Variants in ELAVL2 observed in about 807,000 individuals in gnomAD.
The protein encoded by ELAVL2 is ELAV like RNA binding protein 2, also known as ELAV-like protein 2.
A neutral mutation model predicts 34.6 loss-of-function variants in ELAVL2; 4 were observed. The ratio of observed to expected loss-of-function variants is 0.12; its 90% confidence interval spans 0.06 to 0.26. The LOEUF (loss-of-function observed/expected upper bound fraction) is 0.26. Ranked by LOEUF, ELAVL2 falls within the 10% of genes least tolerant of loss-of-function variation. ELAVL2 has a pLI of 1.00. For missense variants in ELAVL2, 432 were observed against 442.8 expected (o/e 0.98, Z 0.22); for synonymous variants, 193 against 154.8 (o/e 1.25, Z -1.83).
chr9:23,707,034 C>T (rs867433896), intron 3 of ELAVL2, among the ~76,000 whole-genome samples: 2 of 152,158 alleles, frequency 1.3e-5, no homozygotes, highest in African/African-American at 4.8e-5. Flanking sequence ...TTAGCACTGT[C>T]CTGTTCTACA....
Position 23,826,192 on chromosome 9 carries a change from A to C in ELAVL2, c.-402T>G, listed in dbSNP as rs1410312847. 1 of 152,256 alleles carries C rather than the reference A, an allele frequency of 6.6e-6. No individual in the cohort carries two copies. Among genetic ancestry groups the C allele is most frequent in the East Asian group, 1.9e-4 (1 of 5,188 alleles). 9.4% of individuals were successfully genotyped at this position (152,256 alleles called of 1,614,324 possible). A position where few individuals can be genotyped will look rare whatever the true frequency, so the allele number is the denominator to read the frequency against. On this transcript the variant is annotated 5_prime_UTR_variant, in exon 1 of 7. Transcript: ENST00000397312. The stretch of plus-strand genomic sequence containing the variant: ...CTTTTTAGTAGGTCGCTACAGGAGT[A>C]AGCTGCTGCATCTCTAACTAAGAAC...
chr9:23,799,776 C>T (rs1238699089), intron 1 of ELAVL2, among the ~76,000 whole-genome samples: 1 of 152,212 alleles, frequency 6.6e-6, no homozygotes, highest in African/African-American at 2.4e-5. Flanking sequence ...TAAGAGACCA[C>T]AGTTGGGCAA....
At chr9:23,816,046 G>C (rs1007471343) in intron 1 of ELAVL2, among the ~76,000 whole-genome samples, 4 of 152,034 alleles carry the variant, frequency 2.6e-5, no homozygotes, top group Non-Finnish European at 5.9e-5. Flanking sequence ...TTCCCAAATG[G>C]AACCTCATTT....
chr9:23,817,959 C>G (rs1049875954), intron 1 of ELAVL2, among the ~76,000 whole-genome samples: 3 of 152,204 alleles, frequency 2.0e-5, no homozygotes, highest in East Asian at 3.8e-4. Flanking sequence ...GGCAAATTTA[C>G]GTTATGTGAA....
intron 1 of ELAVL2, among the ~76,000 whole-genome samples, chr9:23,776,998 G>C (rs2058312227): frequency 6.6e-6 from 1 of 152,168 alleles, no homozygotes; most frequent in Non-Finnish European, 1.5e-5. Context: ...ATTGCTCAGA[G>C]AGTTTTCCAG....
chr9:23,701,738 AC>A, intron 4 of ELAVL2, 134 bp from the exon 5 acceptor site: 1 of 957,688 alleles, frequency 1.0e-6, no homozygotes, highest in Non-Finnish European at 1.6e-6. Flanking sequence ...ACAAAATCAC[AC>A]CAGGAGGAAA....
intron 2 of ELAVL2, among the ~76,000 whole-genome samples, chr9:23,754,597 T>C (rs1238964949): frequency 2.6e-5 from 4 of 152,102 alleles, no homozygotes; most frequent in Non-Finnish European, 5.9e-5. Context: ...TACCTGGGAC[T>C]ACAGGCGTGC....
intron 1 of ELAVL2, among the ~76,000 whole-genome samples, chr9:23,771,287 G>A (rs1735453179): frequency 6.6e-6 from 1 of 152,084 alleles, no homozygotes; most frequent in Non-Finnish European, 1.5e-5. Flanking sequence ...CAAAAAACTG[G>A]TTTAGATACT....
intron 3 of ELAVL2, among the ~76,000 whole-genome samples, chr9:23,708,057 C>T (rs78511099): frequency 1.1e-5 from 1 of 94,364 alleles, no homozygotes; most frequent in African/African-American, 3.8e-5. Context: ...TTTTTTTTTT[C>T]CCCAATGTCC....
At chr9:23,731,770 C>T (rs544762877) in intron 2 of ELAVL2, among the ~76,000 whole-genome samples, 8 of 152,014 alleles carry the variant, frequency 5.3e-5, no homozygotes, top group African/African-American at 1.9e-4. Flanking sequence ...GGGATGACAT[C>T]GAAGACAATG....
chr9:23,746,041 C>A (rs981232900), intron 2 of ELAVL2, among the ~76,000 whole-genome samples: 4 of 152,118 alleles, frequency 2.6e-5, no homozygotes, highest in South Asian at 4.1e-4. Context: ...AAGGGAGGAT[C>A]GGTATCTTCA....
At chr9:23,759,754 T>TTTTATATATATATATATA (rs1279843264) in intron 2 of ELAVL2, among the ~76,000 whole-genome samples, 5 of 81,348 alleles carry the variant, frequency 6.1e-5, no homozygotes, top group East Asian at 3.8e-4. Flanking sequence ...ATATATAGTA[T>TTTTATATATATATATATA]TATATATATA....
At chr9:23,845,246 T>A in the ELAVL2 span, among the ~76,000 whole-genome samples, 1 of 151,812 alleles carries the variant, frequency 6.6e-6, no homozygotes, top group Non-Finnish European at 1.5e-5. Context: ...TATGTATAAT[T>A]ACATATATTC....
chr9:23,692,370 A>C lies in ELAVL2; in HGVS notation c.*187T>G, dbSNP rs957658526. 3.1e-6 allele frequency: 2 copies of C among 638,912 alleles called. No individual in the cohort carries two copies. The highest frequency in any genetic ancestry group is 3.7e-5 in the African/African-American group (2 of 54,754). The allele number at this position is 638,912 out of a possible 1,614,324, so 39.6% of individuals were successfully genotyped here. ...TCTTGTCCATATTCAAACATAAAAG[A>C]TATTTAAGAAGTTTTAATTCAAATA... On this transcript the variant is annotated 3_prime_UTR_variant, in exon 7 of 7. Transcript: ENST00000397312.
chr9:23,730,493 G>T (rs1366262289), intron 3 of ELAVL2, among the ~76,000 whole-genome samples: 1 of 151,868 alleles, frequency 6.6e-6, no homozygotes. Flanking sequence ...TTTTAACTTG[G>T]AAAAAATAAA....
intron 1 of ELAVL2, among the ~76,000 whole-genome samples, chr9:23,817,085 A>G (rs1322117061): frequency 2.0e-5 from 3 of 152,084 alleles, no homozygotes; most frequent in South Asian, 2.1e-4. Context: ...ACTGTCTTAC[A>G]GTAAGTATAA....
At chr9:23,802,345 T>C (rs1399101555) in intron 1 of ELAVL2, among the ~76,000 whole-genome samples, 1 of 152,192 alleles carries the variant, frequency 6.6e-6, no homozygotes, top group Non-Finnish European at 1.5e-5. Context: ...AGCCTCAATT[T>C]TTAGACAGAG....
At chr9:23,721,956 T>TA (rs2043840934) in intron 3 of ELAVL2, among the ~76,000 whole-genome samples, 1 of 152,202 alleles carries the variant, frequency 6.6e-6, no homozygotes, top group African/African-American at 2.4e-5. Context: ...AGTCAAAAGT[T>TA]AGACTTTTTG....
chr9:23,832,948 A>T, the ELAVL2 span, among the ~76,000 whole-genome samples: 1 of 152,134 alleles, frequency 6.6e-6, no homozygotes, highest in Non-Finnish European at 1.5e-5. Flanking sequence ...TTGTTATTTG[A>T]TTATTCATAG....
Sources: allele counts gnomAD v4.1 joint callset (sites outside exome capture counted in the v4.1 genomes callset), GRCh38; gene constraint gnomAD v4.1.1; transcripts MANE v1.5; gene names NCBI Gene and HGNC (gene_info 2026-07-23, HGNC 2026-07-21).